MARCHF5: variants seen among roughly 807,000 people sequenced by gnomAD.
MARCHF5 encodes the protein membrane associated ring-CH-type finger 5, also known as E3 ubiquitin-protein ligase MARCHF5.
A neutral mutation model predicts 36.5 loss-of-function variants in MARCHF5; 5 were observed. The observed-to-expected ratio is 0.14, with a 90% CI of 0.07 to 0.29. The LOEUF (loss-of-function observed/expected upper bound fraction) is 0.29, where lower values mean the gene tolerates loss of function less well. MARCHF5 is among the 10% of genes least tolerant of loss of function. The probability of loss-of-function intolerance (pLI) is 1.00; values close to 1 mark genes in which losing one functional copy is unlikely to be tolerated. For missense variants in MARCHF5, 179 were observed against 336.3 expected (o/e 0.53, Z 3.66); for synonymous variants, 103 against 109.9 (o/e 0.94, Z 0.39).
intron 1 of MARCHF5, among the ~76,000 whole-genome samples, chr10:92,307,052 T>C (rs1251311834): frequency 6.6e-6 from 1 of 152,092 alleles, no homozygotes; most frequent in Non-Finnish European, 1.5e-5. Flanking sequence ...CTAGACTATA[T>C]GCCTGCAGTC....
intron 2 of MARCHF5, among the ~76,000 whole-genome samples, chr10:92,331,155 T>C (rs548145131): frequency 1.3e-5 from 2 of 152,336 alleles, no homozygotes; most frequent in African/African-American, 4.8e-5. Context: ...ATGTAGTATG[T>C]GCATAATTAG....
At chr10:92,323,501 A>G (rs377176723) in intron 2 of MARCHF5, among the ~76,000 whole-genome samples, 1 of 152,230 alleles carries the variant, frequency 6.6e-6, no homozygotes, top group East Asian at 1.9e-4. Flanking sequence ...GTATAATAAC[A>G]TGTATCCACC....
At chr10:92,310,841 C>T (rs1843136102) in intron 1 of MARCHF5, among the ~76,000 whole-genome samples, 1 of 152,132 alleles carries the variant, frequency 6.6e-6, no homozygotes, top group East Asian at 1.9e-4. Context: ...GGTTTGTCTC[C>T]TTGCACTCTG....
rs147435005 is a variant in MARCHF5, at chr10:92,302,211, A to T, written c.36-8924A>T. On this transcript the variant is annotated intron_variant, in intron 1 of 5. Coordinates refer to ENST00000358935, the MANE Select transcript of MARCHF5 (RefSeq NM_017824.5). ...TACCTGAGATTAGTTGAATGAACAG[A>T]TGCAGAACCCTCAGTTGGAGGGCTG... Among the ~76,000 whole-genome samples the T allele has an allele frequency of 6.0e-4, 91 of 152,292 alleles. No individual in the cohort carries two copies. The East Asian group carries it at 0.015, about 25-fold the overall frequency.
At chr10:92,330,280 G>A (rs1174393731) in intron 2 of MARCHF5, among the ~76,000 whole-genome samples, 1 of 152,120 alleles carries the variant, frequency 6.6e-6, no homozygotes, top group East Asian at 1.9e-4. Flanking sequence ...AAGTAGATTA[G>A]TTTTAAGAAG....
chr10:92,343,814 C>T (rs1351152944), intron 3 of MARCHF5, among the ~76,000 whole-genome samples: 1 of 152,172 alleles, frequency 6.6e-6, no homozygotes, highest in African/African-American at 2.4e-5. Flanking sequence ...GATGATCTGC[C>T]TGCCTCTGCT....
At chr10:92,306,749 C>T (rs764971509) in intron 1 of MARCHF5, among the ~76,000 whole-genome samples, 10 of 152,128 alleles carry the variant, frequency 6.6e-5, no homozygotes, top group Admixed American at 1.3e-4. Flanking sequence ...CGCAGTGGCT[C>T]ATGACTGTAA....
At chr10:92,331,889 GTATATATAATCATATA>G in intron 2 of MARCHF5, among the ~76,000 whole-genome samples, 1 of 31,540 alleles carries the variant, frequency 3.2e-5, no homozygotes, top group East Asian at 7.8e-4. Context: ...TCATATATAT[GTATATATAATCATATA>G]TATGTATATA....
At chr10:92,348,711 A>C (rs530116890) in intron 3 of MARCHF5, among the ~76,000 whole-genome samples, 43 of 152,232 alleles carry the variant, frequency 2.8e-4, no homozygotes, top group African/African-American at 1.0e-3. Context: ...AGAGTTCCTG[A>C]ATTGGGAAAA....
At chr10:92,312,563 G>T (rs970470872) in intron 2 of MARCHF5, among the ~76,000 whole-genome samples, 1 of 152,210 alleles carries the variant, frequency 6.6e-6, no homozygotes, top group African/African-American at 2.4e-5. Context: ...TCACATTATT[G>T]TACCACCACA....
intron 1 of MARCHF5, among the ~76,000 whole-genome samples, chr10:92,307,797 C>T (rs543303884): frequency 6.6e-6 from 1 of 152,098 alleles, no homozygotes; most frequent in South Asian, 2.1e-4. Flanking sequence ...ATCGCTTGAA[C>T]CGGGAGGCGG....
intron 2 of MARCHF5, among the ~76,000 whole-genome samples, chr10:92,332,459 G>A (rs1050174596): frequency 6.6e-6 from 1 of 151,756 alleles, no homozygotes; most frequent in African/African-American, 2.4e-5. Context: ...TTAAAACAGT[G>A]GGGAATGCTA....
intron 1 of MARCHF5, among the ~76,000 whole-genome samples, chr10:92,303,460 C>G (rs1372580706): frequency 6.6e-6 from 1 of 152,074 alleles, no homozygotes; most frequent in East Asian, 1.9e-4. Context: ...GTTTCTTGGT[C>G]TCTCATCACA....
intron 3 of MARCHF5, among the ~76,000 whole-genome samples, chr10:92,345,238 C>CTG (rs1206245407): frequency 4.6e-5 from 7 of 152,024 alleles, no homozygotes; most frequent in African/African-American, 1.7e-4. Context: ...TGGCCAGGTG[C>CTG]TGTAGCTCAT....
At chr10:92,349,304 C>A in intron 3 of MARCHF5, 45 bp from the exon 4 acceptor site, 1 of 1,389,996 alleles carries the variant, frequency 7.2e-7, no homozygotes, top group Non-Finnish European at 9.7e-7. Context: ...TGCAACACCT[C>A]ATTTGAAAAA....
In MARCHF5 at chr10:92,311,322, GT is replaced by G; in HGVS notation, c.228del (p.Pro77GlnfsTer16). 6.3e-7 allele frequency: 1 copy of G among 1,586,580 alleles called. No homozygotes were observed. Among genetic ancestry groups the G allele is most frequent in the Non-Finnish European group, 8.6e-7 (1 of 1,165,368 alleles). ...TCAGTGCAATGCTGAATACCTAATAGTTTTTCCAAAATTGGGTAAGAATATC... is the reference window on the plus strand; with the variant it reads ...TCAGTGCAATGCTGAATACCTAATAGTTTTCCAAAATTGGGTAAGAATATC... ...CPQCNAEYLI[V>X]FPKLGPVVYV... On this transcript the variant is annotated frameshift_variant, in exon 2 of 6. Transcript: ENST00000358935. LOFTEE classifies it high-confidence loss of function.
At position 92,319,388 on chromosome 10, in the gene MARCHF5, C is replaced by T. The variant is rs528116411; in HGVS notation, c.238+8051C>T. ...TCGACTCACTGCAAGCTCCGCCTCC[C>T]GGGTTCACGCCATTCTCCTGCCTCA... On this transcript the variant is annotated intron_variant, in intron 2 of 5. Transcript: ENST00000358935. Among the ~76,000 whole-genome samples the T allele has an allele frequency of 1.1e-4, 17 of 151,202 alleles. No homozygotes were observed. The East Asian group carries it at 1.2e-3, about 11-fold the overall frequency.
intron 2 of MARCHF5, among the ~76,000 whole-genome samples, chr10:92,315,590 C>T (rs952746600): frequency 1.3e-5 from 2 of 152,112 alleles, no homozygotes; most frequent in African/African-American, 4.8e-5. Flanking sequence ...AAGGATGTCT[C>T]CTAGTACAGT....
At chr10:92,308,460 A>G (rs1367696044) in intron 1 of MARCHF5, 2 of 152,044 alleles carry the variant, frequency 1.3e-5, no homozygotes, top group African/African-American at 4.8e-5. Flanking sequence ...TCATCTTGTG[A>G]CTTAGAATGC....
Sources: allele counts gnomAD v4.1 joint callset (sites outside exome capture counted in the v4.1 genomes callset), GRCh38; gene constraint gnomAD v4.1.1; transcripts MANE v1.5; gene names NCBI Gene and HGNC (gene_info 2026-07-23, HGNC 2026-07-21).